GATAD2B: variants seen among roughly 807,000 people sequenced by gnomAD.
GATAD2B encodes the protein transcriptional repressor p66-beta.
In GATAD2B, 8 loss-of-function variants were observed where a neutral mutation model predicts 64.3. That is an observed-to-expected ratio of 0.12 (90% CI 0.07 to 0.22). GATAD2B has a LOEUF of 0.22. Ranked by LOEUF, GATAD2B falls within the 10% of genes least tolerant of loss-of-function variation. GATAD2B has a pLI of 1.00. For synonymous variants in GATAD2B, 281 were observed against 271.3 expected, an observed-to-expected ratio of 1.04 and a Z score of -0.35; for missense variants, 453 against 752.0, an observed-to-expected ratio of 0.60 and a Z score of 4.65.
At chr1:153,843,546 A>G (rs1264304269) in intron 1 of GATAD2B, among the ~76,000 whole-genome samples, 1 of 152,174 alleles carries the variant, frequency 6.6e-6, no homozygotes, top group Non-Finnish European at 1.5e-5. Flanking sequence ...AAGCACCAGG[A>G]TTACAGGTAT....
chr1:153,909,290 T>C (rs1188590518), intron 1 of GATAD2B, among the ~76,000 whole-genome samples: 1 of 151,976 alleles, frequency 6.6e-6, no homozygotes, highest in Admixed American at 6.6e-5. Flanking sequence ...CTGGGCTCAC[T>C]GCAACCTCCG....
At chr1:153,876,793 A>T (rs913695481) in intron 1 of GATAD2B, among the ~76,000 whole-genome samples, 1 of 152,228 alleles carries the variant, frequency 6.6e-6, no homozygotes, top group Non-Finnish European at 1.5e-5. Context: ...ACCTGAGGAC[A>T]GGAGTTTGAG....
intron 1 of GATAD2B, among the ~76,000 whole-genome samples, chr1:153,870,902 CTAGAG>C (rs1235082499): frequency 6.6e-6 from 1 of 152,072 alleles, no homozygotes; most frequent in Non-Finnish European, 1.5e-5. Flanking sequence ...CATACTGATA[CTAGAG>C]AGAGGTTTTT....
intron 1 of GATAD2B, among the ~76,000 whole-genome samples, chr1:153,872,756 A>T (rs1013747785): frequency 9.9e-5 from 15 of 152,170 alleles, no homozygotes; most frequent in Non-Finnish European, 2.1e-4. Flanking sequence ...TCAAGTAAAA[A>T]TGCTGTTCTA....
At chr1:153,870,609 GA>G (rs1366677334) in intron 1 of GATAD2B, among the ~76,000 whole-genome samples, 1 of 151,974 alleles carries the variant, frequency 6.6e-6, no homozygotes, top group African/African-American at 2.4e-5. Flanking sequence ...TTCAAAATGT[GA>G]AAAAAATTCC....
At chr1:153,826,117 C>T (rs149974111) in intron 2 of GATAD2B, among the ~76,000 whole-genome samples, 19,430 of 152,034 alleles carry the variant, frequency 0.13, 1,716 homozygotes, top group East Asian at 0.49. Flanking sequence ...CATTCTCCTG[C>T]CTCAGCCTCC....
At chr1:153,835,938 G>A (rs939986991) in intron 1 of GATAD2B, among the ~76,000 whole-genome samples, 1 of 151,990 alleles carries the variant, frequency 6.6e-6, no homozygotes, top group Non-Finnish European at 1.5e-5. Flanking sequence ...GACCAGGCTG[G>A]TCTCAAACTC....
chr1:153,852,378 C>T (rs954373315), intron 1 of GATAD2B: 2 of 829,974 alleles, frequency 2.4e-6, no homozygotes, highest in African/African-American at 3.3e-5. Flanking sequence ...CCCTCATATG[C>T]TTGGCCTGAC....
intron 1 of GATAD2B, among the ~76,000 whole-genome samples, chr1:153,898,670 T>A (rs989602691): frequency 6.6e-6 from 1 of 152,172 alleles, no homozygotes; most frequent in African/African-American, 2.4e-5. Context: ...TCTGACCCTA[T>A]TCTGAGCAAG....
chr1:153,884,023 G>A (rs1016189922), intron 1 of GATAD2B, among the ~76,000 whole-genome samples: 7 of 152,142 alleles, frequency 4.6e-5, no homozygotes, highest in Admixed American at 1.3e-4. Flanking sequence ...TTTGCCAGGC[G>A]TGGTGGCTCA....
chr1:153,821,773 G>A (rs1366341550), intron 2 of GATAD2B, among the ~76,000 whole-genome samples: 2 of 151,382 alleles, frequency 1.3e-5, no homozygotes, highest in East Asian at 3.9e-4. Flanking sequence ...TCACCGTTTT[G>A]GCCAGGCTGG....
intron 1 of GATAD2B, chr1:153,914,539 G>A (rs993110811): frequency 1.3e-5 from 2 of 152,112 alleles, no homozygotes; most frequent in African/African-American, 2.4e-5. Context: ...CTAAATTTAT[G>A]CTGCATTTTC....
At position 153,819,669 on chromosome 1, in the gene GATAD2B, G is replaced by A. The variant is rs779969074; in HGVS notation, c.402C>T (p.Ser134=). Residue 134 remains serine (S), a synonymous_variant, in exon 3 of 11, where the codon TCC becomes TCT. Coordinates refer to ENST00000368655, the MANE Select transcript of GATAD2B (RefSeq NM_020699.4). ...DIIVLSDNEA[S]SPRSSSRMEE... is the part of the protein sequence containing the mutation. ...CCATTCTGGAACTGGAACGGGGACT[G>A]GAAGCCTCATTGTCAGACAAAACAA... 4 of 1,611,056 alleles carry A rather than the reference G, an allele frequency of 2.5e-6. No individual in the cohort carries two copies. The highest frequency in any genetic ancestry group is 3.4e-6 in the Non-Finnish European group (4 of 1,178,004).
At chr1:153,869,483 T>C (rs1457369534) in intron 1 of GATAD2B, among the ~76,000 whole-genome samples, 1 of 152,204 alleles carries the variant, frequency 6.6e-6, no homozygotes, top group Non-Finnish European at 1.5e-5. Context: ...TATTTATCAT[T>C]ATTTGTTTTT....
At chr1:153,899,409 AAAT>A (rs535415174) in intron 1 of GATAD2B, among the ~76,000 whole-genome samples, 21 of 152,232 alleles carry the variant, frequency 1.4e-4, no homozygotes, top group African/African-American at 5.1e-4. Flanking sequence ...TTTCTACTAA[AAAT>A]ACAAAATAGC....
At chr1:153,843,814 C>CAAAAA (rs71584146) in intron 1 of GATAD2B, among the ~76,000 whole-genome samples, 1 of 120,546 alleles carries the variant, frequency 8.3e-6, no homozygotes, top group Non-Finnish European at 1.6e-5. Flanking sequence ...CCACCACCAC[C>CAAAAA]AAAAAAAAAA....
intron 1 of GATAD2B, among the ~76,000 whole-genome samples, chr1:153,848,166 C>T (rs949562085): frequency 2.6e-5 from 4 of 152,184 alleles, no homozygotes; most frequent in African/African-American, 7.2e-5. Flanking sequence ...GACTTCCTGT[C>T]GTATTCCAGT....
intron 2 of GATAD2B, among the ~76,000 whole-genome samples, chr1:153,820,712 C>T (rs1674647543): frequency 6.6e-6 from 1 of 151,998 alleles, no homozygotes; most frequent in Non-Finnish European, 1.5e-5. Context: ...TCACTGCAGC[C>T]TTGACCTCCT....
intron 1 of GATAD2B, among the ~76,000 whole-genome samples, chr1:153,907,773 G>C (rs1677993473): frequency 6.6e-6 from 1 of 151,772 alleles, no homozygotes; most frequent in Non-Finnish European, 1.5e-5. Flanking sequence ...TGAGTAGCTG[G>C]GACTACAAAT....
Sources: gnomAD v4.1 joint callset for allele counts (sites outside exome capture counted in the v4.1 genomes callset) on GRCh38, gnomAD v4.1.1 for gene constraint, MANE v1.5 for transcripts, NCBI Gene and HGNC (gene_info 2026-07-23, HGNC 2026-07-21) for gene names.